OPRM1: variants seen among roughly 807,000 people sequenced by gnomAD.
OPRM1 encodes the protein mu-type opioid receptor.
A neutral mutation model predicts 31.8 loss-of-function variants in OPRM1; 27 were observed. The ratio of observed to expected loss-of-function variants is 0.85; its 90% confidence interval spans 0.63 to 1.17. The LOEUF (loss-of-function observed/expected upper bound fraction) is 1.17. OPRM1 is among the 50% of genes most tolerant of loss of function. OPRM1 has a pLI of 0.00. For synonymous variants in OPRM1, 196 were observed against 189.9 expected (o/e 1.03, Z -0.26); for missense variants, 536 against 511.1 (o/e 1.05, Z -0.47).
intron 1 of OPRM1, among the ~76,000 whole-genome samples, chr6:154,072,530 A>G (rs1787004249): frequency 6.6e-6 from 1 of 152,246 alleles, no homozygotes; most frequent in South Asian, 2.1e-4. Context: ...CAAGATAGCT[A>G]ATTGAGAACA....
At chr6:154,099,312 GAAGGAAGGAAGGAAGGA>G (rs1793983518) in intron 3 of OPRM1, among the ~76,000 whole-genome samples, 24 of 134,184 alleles carry the variant, frequency 1.8e-4, no homozygotes, top group Admixed American at 1.8e-3. Context: ...AGGAAGAAAG[GAAGGAAGGAAGGAAGGA>G]AGGGAGGGAG....
At chr6:154,234,535 A>G (rs1031412846) in intron 3 of OPRM1, among the ~76,000 whole-genome samples, 6 of 152,242 alleles carry the variant, frequency 3.9e-5, no homozygotes, top group Non-Finnish European at 5.9e-5. Flanking sequence ...CCAACTGCTC[A>G]GCACAACAAT....
At chr6:154,027,470 A>C (rs7776341) in intron 1 of OPRM1, among the ~76,000 whole-genome samples, 13,513 of 152,156 alleles carry the variant, frequency 0.089, 1,073 homozygotes, top group African/African-American at 0.21. Flanking sequence ...CTGCTATAAC[A>C]ATTCCCTGGC....
chr6:154,061,804 C>A (rs1784480084), intron 1 of OPRM1, among the ~76,000 whole-genome samples: 1 of 149,508 alleles, frequency 6.7e-6, no homozygotes, highest in Admixed American at 6.7e-5. Context: ...TGCACATGTA[C>A]TCCCTAAAAA....
intron 3 of OPRM1, among the ~76,000 whole-genome samples, chr6:154,148,422 A>G (rs1798412842): frequency 6.6e-6 from 1 of 152,206 alleles, no homozygotes; most frequent in East Asian, 1.9e-4. Context: ...CAGCAGCAGT[A>G]GCTTGCAGCC....
At chr6:154,148,579 A>C (rs947784530) in intron 3 of OPRM1, among the ~76,000 whole-genome samples, 1 of 152,214 alleles carries the variant, frequency 6.6e-6, no homozygotes, top group African/African-American at 2.4e-5. Context: ...TTCTTCTGAA[A>C]GGGACGCTCT....
chr6:154,088,186 G>T lies in OPRM1; in HGVS notation c.291-1640G>T, dbSNP rs76206049. Reference sequence around the variant, plus strand: ...CCACATAGATGAATCTCAAAATAATGACACTGAGTGAAAGAAGCAGCACAA... The same window carrying T: ...CCACATAGATGAATCTCAAAATAATTACACTGAGTGAAAGAAGCAGCACAA... On this transcript the variant is annotated intron_variant, in intron 1 of 3. Coordinates refer to ENST00000330432, the MANE Select transcript of OPRM1 (RefSeq NM_000914.5). Among the ~76,000 whole-genome samples the T allele has an allele frequency of 8.3e-3, 1,263 of 151,944 alleles. 18 individuals carry two copies. Among genetic ancestry groups the T allele is most frequent in the African/African-American group, 0.029 (1,218 of 41,458 alleles).
chr6:154,196,718 T>C (rs1399051330), intron 3 of OPRM1, among the ~76,000 whole-genome samples: 1 of 152,216 alleles, frequency 6.6e-6, no homozygotes, highest in African/African-American at 2.4e-5. Flanking sequence ...AATGAACATG[T>C]CATTAACCCT....
chr6:154,036,900 G>A (rs912749403), upstream of OPRM1, among the ~76,000 whole-genome samples: 2 of 151,830 alleles, frequency 1.3e-5, no homozygotes, highest in African/African-American at 4.8e-5. Flanking sequence ...AGTGAGGGAG[G>A]GAGTCCACTA....
intron 3 of OPRM1, among the ~76,000 whole-genome samples, chr6:154,229,300 A>G (rs1779515893): frequency 6.6e-6 from 1 of 152,062 alleles, no homozygotes; most frequent in African/African-American, 2.4e-5. Context: ...CTCTGACAAT[A>G]AAGTGTTAAA....
chr6:154,106,704 T>C (rs1049902531), intron 3 of OPRM1, among the ~76,000 whole-genome samples: 10 of 152,306 alleles, frequency 6.6e-5, no homozygotes, highest in Non-Finnish European at 1.5e-4. Context: ...CTTTTTTATA[T>C]AAAATCTCTT....
intron 1 of OPRM1, among the ~76,000 whole-genome samples, chr6:154,055,223 A>G (rs548259112): frequency 1.3e-5 from 2 of 152,196 alleles, no homozygotes; most frequent in East Asian, 1.9e-4. Context: ...CCTCATCTCT[A>G]CTAAAAATAC....
intron 3 of OPRM1, among the ~76,000 whole-genome samples, chr6:154,233,542 TA>T (rs1779885070): frequency 6.6e-6 from 1 of 152,146 alleles, no homozygotes; most frequent in African/African-American, 2.4e-5. Flanking sequence ...CAACATTTGG[TA>T]AATGTTTTTG....
At chr6:154,196,837 C>T (rs184943294) in intron 3 of OPRM1, among the ~76,000 whole-genome samples, 9 of 152,312 alleles carry the variant, frequency 5.9e-5, no homozygotes, top group Non-Finnish European at 8.8e-5. Context: ...AATTAACACC[C>T]TGATTTTATT....
chr6:154,181,816 C>G (rs1001185785), intron 3 of OPRM1, among the ~76,000 whole-genome samples: 2 of 152,166 alleles, frequency 1.3e-5, no homozygotes, highest in African/African-American at 4.8e-5. Context: ...TTCTTGGGGA[C>G]TTGAACTGGA....
intron 1 of OPRM1, among the ~76,000 whole-genome samples, chr6:154,017,524 C>A (rs1284847276): frequency 6.6e-6 from 1 of 152,106 alleles, no homozygotes; most frequent in East Asian, 1.9e-4. Context: ...GCCTAGTTCA[C>A]GCACCTGGAT....
At chr6:154,052,590 C>G (rs1782430139) in intron 1 of OPRM1, among the ~76,000 whole-genome samples, 1 of 152,092 alleles carries the variant, frequency 6.6e-6, no homozygotes, top group Non-Finnish European at 1.5e-5. Context: ...TAAAATTGTT[C>G]CTAGCTGGAA....
At chr6:154,151,738 G>C (rs985233344) in intron 3 of OPRM1, among the ~76,000 whole-genome samples, 1 of 152,104 alleles carries the variant, frequency 6.6e-6, no homozygotes, top group Non-Finnish European at 1.5e-5. Flanking sequence ...ACTCTGGCTA[G>C]AACTGCCGAG....
intron 3 of OPRM1, among the ~76,000 whole-genome samples, chr6:154,202,829 T>A (rs1777178646): frequency 6.6e-6 from 1 of 151,482 alleles, no homozygotes; most frequent in Non-Finnish European, 1.5e-5. Flanking sequence ...CTTATAAATT[T>A]CATTTTTAAA....
Sources: gnomAD v4.1 joint callset for allele counts (sites outside exome capture counted in the v4.1 genomes callset) on GRCh38, gnomAD v4.1.1 for gene constraint, MANE v1.5 for transcripts, NCBI Gene and HGNC (gene_info 2026-07-23, HGNC 2026-07-21) for gene names.